Variants in METTL15 observed in about 807,000 individuals in gnomAD.
The protein encoded by METTL15 is 12S rRNA N(4)-cytidine methyltransferase METTL15.
Under a neutral mutation model 38.3 loss-of-function variants are expected in METTL15, and 34 were observed. The observed-to-expected ratio is 0.89, with a 90% CI of 0.68 to 1.18. The LOEUF is 1.18. METTL15 is among the 50% of genes most tolerant of loss of function. The pLI, the probability that METTL15 is intolerant of heterozygous loss-of-function variation, is 0.00. For missense variants in METTL15, 438 were observed against 498.4 expected, an observed-to-expected ratio of 0.88 and a Z score of 1.15; for synonymous variants, 162 against 170.9, an observed-to-expected ratio of 0.95 and a Z score of 0.41.
chr11:28,220,814 C>G (rs1282019016), intron 4 of METTL15, among the ~76,000 whole-genome samples: 1 of 152,098 alleles, frequency 6.6e-6, no homozygotes, highest in South Asian at 2.1e-4. Context: ...TTCTCCTTCA[C>G]TCACGAAGCT....
intron 3 of METTL15, among the ~76,000 whole-genome samples, chr11:28,114,289 T>C (rs1851850447): frequency 6.6e-6 from 1 of 152,198 alleles, no homozygotes; most frequent in Non-Finnish European, 1.5e-5. Flanking sequence ...GGTTCTTCCA[T>C]GGTGTTGCAT....
chr11:28,239,065 C>A (rs776796477), intron 4 of METTL15, among the ~76,000 whole-genome samples: 1 of 151,962 alleles, frequency 6.6e-6, no homozygotes, highest in African/African-American at 2.4e-5. Flanking sequence ...GGCCTCTTTT[C>A]TATTTACACT....
At chr11:28,420,681 A>G (rs1850811833) in intron 5 of METTL15, among the ~76,000 whole-genome samples, 1 of 152,106 alleles carries the variant, frequency 6.6e-6, no homozygotes, top group Admixed American at 6.6e-5. Context: ...TCATAATGGA[A>G]ACACAACATT....
chr11:28,286,674 G>A (rs115180201), intron 4 of METTL15, among the ~76,000 whole-genome samples: 2,080 of 152,186 alleles, frequency 0.014, 61 homozygotes, highest in African/African-American at 0.046. Flanking sequence ...ATGTTCAAAC[G>A]TGAGCTGAGG....
chr11:28,384,915 A>G (rs919581547), intron 5 of METTL15, among the ~76,000 whole-genome samples: 5 of 152,036 alleles, frequency 3.3e-5, no homozygotes, highest in South Asian at 2.1e-4. Flanking sequence ...TCTTTTTCCC[A>G]TGCTTTCTGG....
intron 3 of METTL15, among the ~76,000 whole-genome samples, chr11:28,139,963 C>T (rs950351447): frequency 8.7e-4 from 1 of 1,148 alleles, no homozygotes; most frequent in African/African-American, 9.2e-4. Context: ...TGGAAAGACT[C>T]TGTGGAGACC....
intron 6 of METTL15, among the ~76,000 whole-genome samples, chr11:28,469,503 A>C (rs1851285676): frequency 6.6e-6 from 1 of 152,090 alleles, no homozygotes; most frequent in South Asian, 2.1e-4. Context: ...CTTGATCTAG[A>C]GTTAGGAGGC....
At chr11:28,366,558 C>T (rs937469819) in intron 5 of METTL15, among the ~76,000 whole-genome samples, 4 of 152,044 alleles carry the variant, frequency 2.6e-5, no homozygotes, top group African/African-American at 9.7e-5. Context: ...GCAGTGAGTC[C>T]CTTCACCCAT....
intron 4 of METTL15, among the ~76,000 whole-genome samples, chr11:28,283,564 C>A (rs1367330890): frequency 2.0e-5 from 3 of 152,188 alleles, no homozygotes; most frequent in Non-Finnish European, 1.5e-5. Context: ...TCTTGTATCA[C>A]TCAGTCTCAG....
intron 4 of METTL15, among the ~76,000 whole-genome samples, chr11:28,286,149 G>A (rs1856255431): frequency 6.6e-6 from 1 of 152,186 alleles, no homozygotes; most frequent in South Asian, 2.1e-4. Context: ...AGGCCAGCAG[G>A]CTGGAAACTA....
At chr11:28,168,331 T>C (rs938948794) in intron 3 of METTL15, among the ~76,000 whole-genome samples, 55 of 151,862 alleles carry the variant, frequency 3.6e-4, no homozygotes, top group African/African-American at 1.3e-3. Context: ...ACTGCTGTAA[T>C]TGAGAAATAA....
chr11:28,472,088 G>A (rs1025081418), intron 6 of METTL15, among the ~76,000 whole-genome samples: 4 of 152,110 alleles, frequency 2.6e-5, no homozygotes, highest in African/African-American at 9.7e-5. Context: ...TCTTTTTGAA[G>A]TACAAGTTCT....
chr11:28,413,908 G>A (rs1257021825), intron 5 of METTL15, among the ~76,000 whole-genome samples: 1 of 152,104 alleles, frequency 6.6e-6, no homozygotes, highest in Non-Finnish European at 1.5e-5. Flanking sequence ...TAGAATTTAT[G>A]TTCCGTATCA....
At chr11:28,238,435 G>A (rs1854124826) in intron 4 of METTL15, among the ~76,000 whole-genome samples, 1 of 152,208 alleles carries the variant, frequency 6.6e-6, no homozygotes, top group Non-Finnish European at 1.5e-5. Context: ...ATCTCCTGGT[G>A]CGCCGTTTCC....
intron 3 of METTL15, among the ~76,000 whole-genome samples, chr11:28,208,945 A>G (rs1437825860): frequency 6.6e-6 from 1 of 152,010 alleles, no homozygotes; most frequent in Non-Finnish European, 1.5e-5. Flanking sequence ...AACTCAGGAC[A>G]TATGATGGGT....
chr11:28,318,726 G>A (rs1022679542), intron 6 of METTL15, among the ~76,000 whole-genome samples: 9 of 152,038 alleles, frequency 5.9e-5, no homozygotes, highest in African/African-American at 1.9e-4. Flanking sequence ...AGAATATTAA[G>A]CACTCATTTT....
chr11:28,406,419 T>G (rs7945246), intron 5 of METTL15, among the ~76,000 whole-genome samples: 2 of 151,886 alleles, frequency 1.3e-5, no homozygotes, highest in Non-Finnish European at 2.9e-5. Context: ...ATTTTTGCCA[T>G]TGATTTTGTA....
chr11:28,279,914 C>CAAAAAAAAAAAAAA (rs57284585), intron 4 of METTL15, among the ~76,000 whole-genome samples: 1 of 81,666 alleles, frequency 1.2e-5, no homozygotes. Flanking sequence ...CAAAACAAAA[C>CAAAAAAAAAAAAAA]AAAAAAAAAA....
chr11:28,223,849 G>A (rs1465622957), intron 4 of METTL15, among the ~76,000 whole-genome samples: 4 of 152,006 alleles, frequency 2.6e-5, no homozygotes, highest in Non-Finnish European at 5.9e-5. Flanking sequence ...GCAGCAATGA[G>A]GTGTTGGTTG....
Sources: allele counts gnomAD v4.1 joint callset (sites outside exome capture counted in the v4.1 genomes callset), GRCh38; gene constraint gnomAD v4.1.1; transcripts MANE v1.5; gene names NCBI Gene and HGNC (gene_info 2026-07-23, HGNC 2026-07-21).